Variants in MDGA2 observed in about 807,000 individuals in gnomAD.
MDGA2 encodes MAM domain-containing glycosylphosphatidylinositol anchor protein 2.
Under a neutral mutation model 117.8 loss-of-function variants are expected in MDGA2, and 40 were observed. The ratio of observed to expected loss-of-function variants is 0.34; its 90% CI spans 0.26 to 0.44. The LOEUF (loss-of-function observed/expected upper bound fraction) is 0.44, where lower values mean the gene tolerates loss of function less well. MDGA2 is among the 20% of genes least tolerant of loss of function. The probability of loss-of-function intolerance (pLI) is 1.00; values close to 1 mark genes in which losing one functional copy is unlikely to be tolerated. For missense variants in MDGA2, 1,123 were observed against 1,250.6 expected (o/e 0.90, Z 1.54); for synonymous variants, 452 against 439.0 (o/e 1.03, Z -0.37).
intron 7 of MDGA2, among the ~76,000 whole-genome samples, chr14:47,042,317 T>TGTG (rs1376577309): frequency 1.0e-5 from 1 of 99,300 alleles, no homozygotes; most frequent in Non-Finnish European, 2.2e-5. Flanking sequence ...TCTATGTTTT[T>TGTG]TTTTTTTTTT....
chr14:47,565,182 G>A (rs1423380474), intron 1 of MDGA2, among the ~76,000 whole-genome samples: 1 of 152,182 alleles, frequency 6.6e-6, no homozygotes, highest in South Asian at 2.1e-4. Flanking sequence ...GAGGTGAGAA[G>A]ACTCTCTTGC....
chr14:47,524,798 G>C (rs185912919), intron 1 of MDGA2, among the ~76,000 whole-genome samples: 1 of 152,278 alleles, frequency 6.6e-6, no homozygotes, highest in African/African-American at 2.4e-5. Context: ...GCCTGTGAGG[G>C]GGCCTTCCAT....
chr14:47,462,213 A>G (rs1192594682), intron 1 of MDGA2, among the ~76,000 whole-genome samples: 3 of 151,924 alleles, frequency 2.0e-5, no homozygotes, highest in Non-Finnish European at 4.4e-5. Flanking sequence ...CGTCGCTACT[A>G]AAAATACAAA....
intron 1 of MDGA2, among the ~76,000 whole-genome samples, chr14:47,425,034 G>A (rs1337995451): frequency 6.6e-6 from 1 of 152,144 alleles, no homozygotes; most frequent in Non-Finnish European, 1.5e-5. Flanking sequence ...CAAGTGGGAT[G>A]GGAATTGGAG....
chr14:47,433,258 C>G (rs1165463267), intron 1 of MDGA2, among the ~76,000 whole-genome samples: 1 of 151,928 alleles, frequency 6.6e-6, no homozygotes, highest in Non-Finnish European at 1.5e-5. Flanking sequence ...GCAGAGTTGT[C>G]CTTCTGGGAA....
At chr14:46,971,033 C>CA (rs1427909359) in intron 8 of MDGA2, among the ~76,000 whole-genome samples, 5 of 151,552 alleles carry the variant, frequency 3.3e-5, no homozygotes, top group South Asian at 2.1e-4. Context: ...ACTAAAAAGA[C>CA]AAAAAACAAA....
chr14:47,601,843 A>T (rs1170644564), intron 1 of MDGA2, among the ~76,000 whole-genome samples: 1 of 152,170 alleles, frequency 6.6e-6, no homozygotes. Context: ...GCTAAAAGAC[A>T]TTCTTTAATG....
At chr14:47,094,673 C>T (rs904325763) in intron 6 of MDGA2, among the ~76,000 whole-genome samples, 2 of 151,968 alleles carry the variant, frequency 1.3e-5, no homozygotes, top group African/African-American at 4.8e-5. Flanking sequence ...TTTAATATTA[C>T]ACTTTAATCA....
At chr14:47,640,785 T>A (rs1897408512) in intron 1 of MDGA2, among the ~76,000 whole-genome samples, 1 of 152,128 alleles carries the variant, frequency 6.6e-6, no homozygotes, top group Non-Finnish European at 1.5e-5. Flanking sequence ...TACAAAGACT[T>A]AAACATAATT....
At chr14:47,665,315 GT>G (rs1392599677) in intron 1 of MDGA2, among the ~76,000 whole-genome samples, 1 of 151,834 alleles carries the variant, frequency 6.6e-6, no homozygotes, top group Admixed American at 6.6e-5. Context: ...TTTTCCATTT[GT>G]TTCTATCTCC....
chr14:47,036,045 G>T (rs927299043), intron 7 of MDGA2, among the ~76,000 whole-genome samples: 45 of 152,010 alleles, frequency 3.0e-4, no homozygotes, highest in African/African-American at 1.0e-3. Flanking sequence ...TGAGGCAGGA[G>T]GATCACGAGG....
intron 3 of MDGA2, chr14:47,201,018 C>A: frequency 9.8e-7 from 1 of 1,016,318 alleles, no homozygotes; most frequent in Non-Finnish European, 1.6e-6. Context: ...CTTTCCTGCC[C>A]AGCAGTACCT....
At chr14:47,420,383 G>A (rs909612585) in intron 1 of MDGA2, among the ~76,000 whole-genome samples, 3 of 152,064 alleles carry the variant, frequency 2.0e-5, no homozygotes, top group African/African-American at 7.2e-5. Flanking sequence ...GGAAACAGCA[G>A]TATCTGTTGT....
At chr14:47,651,250 GTA>G (rs1479340838) in intron 1 of MDGA2, among the ~76,000 whole-genome samples, 13 of 120,026 alleles carry the variant, frequency 1.1e-4, no homozygotes, top group South Asian at 2.5e-4. Flanking sequence ...GTGTGTGTGT[GTA>G]TACCCATAAA....
At chr14:47,044,493 T>C (rs1889187385) in intron 7 of MDGA2, among the ~76,000 whole-genome samples, 1 of 152,186 alleles carries the variant, frequency 6.6e-6, no homozygotes, top group African/African-American at 2.4e-5. Context: ...CTTGTATTAC[T>C]TGCAGTCCTG....
At chr14:46,988,036 A>G (rs1886931386) in intron 8 of MDGA2, among the ~76,000 whole-genome samples, 1 of 151,914 alleles carries the variant, frequency 6.6e-6, no homozygotes, top group Non-Finnish European at 1.5e-5. Context: ...AATGAGTAAT[A>G]TAATATTGAA....
intron 2 of MDGA2, among the ~76,000 whole-genome samples, chr14:47,231,216 T>A (rs1886677907): frequency 6.6e-6 from 1 of 152,036 alleles, no homozygotes; most frequent in Non-Finnish European, 1.5e-5. Context: ...CTACTGAAAG[T>A]CACACATATT....
intron 3 of MDGA2, among the ~76,000 whole-genome samples, chr14:47,146,812 AC>A (rs1882962867): frequency 1.3e-5 from 2 of 152,190 alleles, no homozygotes; most frequent in African/African-American, 4.8e-5. Flanking sequence ...ACTTTCCAAC[AC>A]CCATTTCTTG....
intron 1 of MDGA2, among the ~76,000 whole-genome samples, chr14:47,442,239 T>C (rs1486724284): frequency 6.6e-6 from 1 of 152,164 alleles, no homozygotes; most frequent in East Asian, 1.9e-4. Context: ...TGAACTTACA[T>C]TTATTGAGTG....
Sources: allele counts gnomAD v4.1 joint callset (sites outside exome capture counted in the v4.1 genomes callset), GRCh38; gene constraint gnomAD v4.1.1; transcripts MANE v1.5; gene names NCBI Gene and HGNC (gene_info 2026-07-23, HGNC 2026-07-21).